Variants in USP47 observed in about 807,000 individuals in gnomAD.
USP47 encodes the protein ubiquitin carboxyl-terminal hydrolase 47.
Under a neutral mutation model 165.1 loss-of-function variants are expected in USP47, and 35 were observed. The observed-to-expected ratio is 0.21, with a 90% CI of 0.16 to 0.28. The LOEUF (loss-of-function observed/expected upper bound fraction) is 0.28. Among genes scored for constraint, USP47 ranks in the 10% least tolerant of loss-of-function variants. The pLI is 1.00. For synonymous variants in USP47, 531 were observed against 544.5 expected, an observed-to-expected ratio of 0.98 and a Z score of 0.35; for missense variants, 1,277 against 1,607.4, an observed-to-expected ratio of 0.79 and a Z score of 3.52.
intron 2 of USP47, among the ~76,000 whole-genome samples, chr11:11,883,657 ACTCC>A (rs533518963): frequency 5.3e-4 from 81 of 152,210 alleles, no homozygotes; most frequent in African/African-American, 1.9e-3. Flanking sequence ...GTTTATCTCT[ACTCC>A]CTCATTTTTC....
intron 3 of USP47, among the ~76,000 whole-genome samples, chr11:11,888,256 T>C (rs1405834895): frequency 3.3e-5 from 5 of 151,762 alleles, no homozygotes; most frequent in African/African-American, 1.2e-4. Flanking sequence ...GAAAAACCTT[T>C]CAAAAATCAA....
intron 1 of USP47, among the ~76,000 whole-genome samples, chr11:11,865,258 C>T (rs1849607156): frequency 6.6e-6 from 1 of 152,118 alleles, no homozygotes. Flanking sequence ...TGCCCTCTTT[C>T]TCCTTTTCTT....
At chr11:11,873,910 C>G in intron 1 of USP47, 1 of 1,094,412 alleles carries the variant, frequency 9.1e-7, no homozygotes, top group South Asian at 1.9e-5. Context: ...GAGCAAGTAA[C>G]AGCATGTTAG....
chr11:11,867,704 A>AT (rs529465283), intron 1 of USP47, among the ~76,000 whole-genome samples: 240 of 152,218 alleles, frequency 1.6e-3, no homozygotes, highest in Middle Eastern at 0.014. Flanking sequence ...ACACACAGTG[A>AT]TTTTTTAAAA....
At chr11:11,875,060 TGTGTGTGTGTGTGTGTG>T (rs1850314598) in intron 1 of USP47, among the ~76,000 whole-genome samples, 2 of 151,724 alleles carry the variant, frequency 1.3e-5, no homozygotes, top group Non-Finnish European at 2.9e-5. Context: ...TGTGTGTGTG[TGTGTGTGTGTGTGTGTG>T]TGTGTTTAAA....
At chr11:11,875,033 T>TTGTA (rs1491193505) in intron 1 of USP47, among the ~76,000 whole-genome samples, 13,524 of 95,266 alleles carry the variant, frequency 0.14, 794 homozygotes, top group Middle Eastern at 0.25. Context: ...AATTGACTTA[T>TTGTA]TGTGTGTGTG....
rs374171879 is a variant in USP47 at position 11,936,423 on chromosome 11, C to T, written c.1990C>T (p.Leu664=). ...GEEDTPMGLL[L]GGVKSTYMFD... ...AGAAGATACACCAATGGGGCTTCTA[C>T]TAGGTGGCGTCAAGTCAACATATAT... Residue 664 remains leucine, a synonymous_variant, in exon 17 of 28, where the codon CTA becomes TTA. Transcript: ENST00000527733. 1 of 1,610,052 alleles carries T rather than the reference C, an allele frequency of 6.2e-7. No individual in the cohort carries two copies. Among genetic ancestry groups the T allele is most frequent in the African/African-American group, 1.3e-5 (1 of 74,770 alleles).
chr11:11,883,076 T>C (rs539596734), intron 2 of USP47, among the ~76,000 whole-genome samples: 1 of 152,276 alleles, frequency 6.6e-6, no homozygotes, highest in South Asian at 2.1e-4. Context: ...CCCACCACCT[T>C]GTATACAGAC....
intron 24 of USP47, 41 bp downstream of exon 24, chr11:11,950,523 A>T (rs1265061727): frequency 1.6e-6 from 2 of 1,278,222 alleles, no homozygotes; most frequent in Non-Finnish European, 1.1e-6. Context: ...AGTTAGAAAT[A>T]CTCTAGAACT....
chr11:11,919,362 G>C (rs557329745), intron 8 of USP47, among the ~76,000 whole-genome samples: 3 of 152,026 alleles, frequency 2.0e-5, no homozygotes, highest in African/African-American at 7.2e-5. Flanking sequence ...GAAGAAAAGA[G>C]AGAACATCAG....
Position 11,959,893 on chromosome 11 carries a change from C to T in USP47, c.*3718C>T, listed in dbSNP as rs1847378361. Among the ~76,000 whole-genome samples the T allele has an allele frequency of 6.6e-6, 1 of 152,182 alleles. No individual in the cohort carries two copies. Among genetic ancestry groups the T allele is most frequent in the African/African-American group, 2.4e-5 (1 of 41,442 alleles). The stretch of plus-strand genomic sequence containing the variant: ...CAGGTGGGCACCAAGCTCCCCTTCC[C>T]TCTGCTTTCCATGTTTCCCACCTGC... On this transcript the variant is annotated 3_prime_UTR_variant, in exon 28 of 28. Transcript: ENST00000527733.
intron 1 of USP47, among the ~76,000 whole-genome samples, chr11:11,853,097 A>AT (rs202004869): frequency 0.023 from 3,424 of 149,518 alleles, 104 homozygotes; most frequent in East Asian, 0.084. Context: ...AGATACTGTA[A>AT]TTTTTTTTTT....
At chr11:11,884,818 G>C (rs1851050507) in intron 3 of USP47, 1 of 351,648 alleles carries the variant, frequency 2.8e-6, no homozygotes, top group South Asian at 4.1e-5. Flanking sequence ...ATATACTGCT[G>C]TCTTCAAGAC....
chr11:11,918,729 C>T (rs1178087335), intron 8 of USP47, among the ~76,000 whole-genome samples: 2 of 151,836 alleles, frequency 1.3e-5, no homozygotes, highest in African/African-American at 2.4e-5. Flanking sequence ...TAACTATAAG[C>T]CGGAGACCAA....
At chr11:11,847,791 G>T (rs1848509979) in intron 1 of USP47, among the ~76,000 whole-genome samples, 1 of 152,048 alleles carries the variant, frequency 6.6e-6, no homozygotes, top group African/African-American at 2.4e-5. Flanking sequence ...AACTGCCAGG[G>T]TTACTTTCTA....
chr11:11,877,862 C>CGT (rs1850573668), intron 1 of USP47, among the ~76,000 whole-genome samples: 1 of 94,548 alleles, frequency 1.1e-5, no homozygotes, highest in African/African-American at 5.0e-5. Context: ...TGTGTGTGCG[C>CGT]GCGCGCAGAT....
At chr11:11,948,588 G>A in intron 22 of USP47, 30 bp downstream of exon 22, 1 of 1,532,512 alleles carries the variant, frequency 6.5e-7, no homozygotes, top group Non-Finnish European at 9.0e-7. Context: ...ATAATATAAG[G>A]TTACTTTTTA....
rs1564872185 is a variant in USP47 at position 11,903,358 on chromosome 11, CA to C, written c.819+19del. On this transcript the variant is annotated intron_variant, in intron 7 of 27. Coordinates refer to ENST00000527733, the MANE Select transcript of USP47 (RefSeq NM_001282659.2). ...AACAGAACAGGTAATTTATATCTCTCAAATCAAGGGGACTGTTTCCTAATAA... is the reference window on the plus strand; with the variant it reads ...AACAGAACAGGTAATTTATATCTCTCAATCAAGGGGACTGTTTCCTAATAA... The C allele has an allele frequency of 1.2e-6, 2 of 1,602,350 alleles. No individual in the cohort carries two copies. Among genetic ancestry groups the C allele is most frequent in the East Asian group, 4.5e-5 (2 of 44,658 alleles).
At chr11:11,948,584 T>C (rs757080158) in intron 22 of USP47, 26 bp downstream of exon 22, 5 of 1,523,008 alleles carry the variant, frequency 3.3e-6, no homozygotes, top group Admixed American at 3.4e-5. Flanking sequence ...AAGAATAATA[T>C]AAGGTTACTT....
Sources: allele counts gnomAD v4.1 joint callset (sites outside exome capture counted in the v4.1 genomes callset), GRCh38; gene constraint gnomAD v4.1.1; transcripts MANE v1.5; gene names NCBI Gene and HGNC (gene_info 2026-07-23, HGNC 2026-07-21).